The following VTA1 variants were observed in gnomAD, a reference collection of about 807,000 sequenced individuals.
VTA1 encodes vesicle trafficking 1, also known as vacuolar protein sorting-associated protein VTA1 homolog.
A neutral mutation model predicts 36.9 loss-of-function variants in VTA1; 24 were observed. The observed-to-expected ratio is 0.65, with a 90% CI of 0.47 to 0.91. The LOEUF is 0.91. VTA1 is among the 40% of genes least tolerant of loss of function. VTA1 has a pLI of 0.00. For missense variants in VTA1, 393 were observed against 377.2 expected (o/e 1.04, Z -0.35); for synonymous variants, 142 against 130.2 (o/e 1.09, Z -0.62).
At chr6:142,181,094 A>ATATATATATATATAT (rs1554219841) in intron 4 of VTA1, among the ~76,000 whole-genome samples, 2 of 36,438 alleles carry the variant, frequency 5.5e-5, no homozygotes, top group African/African-American at 1.5e-4. Flanking sequence ...AAAAAAAAAA[A>ATATATATATATATAT]ATATATATAT....
intron 1 of VTA1, among the ~76,000 whole-genome samples, chr6:142,162,581 A>G (rs1774831453): frequency 6.6e-6 from 1 of 152,170 alleles, no homozygotes; most frequent in African/African-American, 2.4e-5. Context: ...AGCAAGTATC[A>G]AGCCCATTTG....
chr6:142,201,878 C>A (rs1287943481), intron 6 of VTA1, among the ~76,000 whole-genome samples: 1 of 151,958 alleles, frequency 6.6e-6, no homozygotes, highest in Non-Finnish European at 1.5e-5. Flanking sequence ...TCTCCAAATG[C>A]TGTGTTCTTT....
intron 6 of VTA1, 119 bp downstream of exon 6, chr6:142,198,734 C>T: frequency 3.4e-6 from 3 of 872,168 alleles, no homozygotes; most frequent in Non-Finnish European, 5.0e-6. Flanking sequence ...TCCTTGAATT[C>T]CATTTGAACC....
chr6:142,147,811 G>A (rs1307210220), intron 1 of VTA1, among the ~76,000 whole-genome samples: 8 of 152,178 alleles, frequency 5.3e-5, no homozygotes, highest in African/African-American at 1.7e-4. Flanking sequence ...TGAAAACATA[G>A]TAATAAGTGA....
chr6:142,160,665 C>A (rs1246821656), intron 1 of VTA1, among the ~76,000 whole-genome samples: 2 of 152,048 alleles, frequency 1.3e-5, no homozygotes, highest in Non-Finnish European at 2.9e-5. Context: ...TCATTTGTTT[C>A]CTTTCTCCAG....
At position 142,150,257 on chromosome 6, in the gene VTA1, G is replaced by C. The variant is rs113454294; in HGVS notation, c.112+2858G>C. ...TGCTTTTCAACAGAACACTGCTCTTGGTGACTTCTTTCCTTACAATTGTGG... is the reference window on the plus strand; with the variant it reads ...TGCTTTTCAACAGAACACTGCTCTTCGTGACTTCTTTCCTTACAATTGTGG... On this transcript the variant is annotated intron_variant, in intron 1 of 7. Coordinates refer to ENST00000367630, the MANE Select transcript of VTA1 (RefSeq NM_016485.5). 7.0e-3 allele frequency among the ~76,000 whole-genome samples: 1,067 copies of C among 152,174 alleles called. 16 individuals are homozygous for C. The highest frequency in any genetic ancestry group is 0.025 in the African/African-American group (1,017 of 41,510).
chr6:142,150,289 C>G (rs913103346), intron 1 of VTA1, among the ~76,000 whole-genome samples: 3 of 152,196 alleles, frequency 2.0e-5, no homozygotes, highest in Non-Finnish European at 4.4e-5. Context: ...GTGGGCTAGT[C>G]ATGCTAGACC....
chr6:142,170,819 A>G (rs924243644), intron 4 of VTA1, among the ~76,000 whole-genome samples: 1 of 151,846 alleles, frequency 6.6e-6, no homozygotes, highest in African/African-American at 2.4e-5. Flanking sequence ...TTTTTTGTAG[A>G]GACATGGTTT....
chr6:142,170,310 C>A, intron 3 of VTA1, 36 bp from the exon 4 acceptor site: 1 of 1,401,972 alleles, frequency 7.1e-7, no homozygotes, highest in Admixed American at 2.1e-5. Flanking sequence ...TAATGTGTTT[C>A]ATATTTAAAC....
At chr6:142,208,355 G>A (rs1304686767) in intron 7 of VTA1, among the ~76,000 whole-genome samples, 1 of 151,914 alleles carries the variant, frequency 6.6e-6, no homozygotes, top group Non-Finnish European at 1.5e-5. Flanking sequence ...AAAAATCAGT[G>A]AGCTCAAAGA....
At chr6:142,214,571 G>A (rs917200905) in intron 7 of VTA1, among the ~76,000 whole-genome samples, 1 of 152,102 alleles carries the variant, frequency 6.6e-6, no homozygotes, top group Non-Finnish European at 1.5e-5. Flanking sequence ...CAGGAGATTT[G>A]GATGGGGACA....
intron 7 of VTA1, 57 bp downstream of exon 7, chr6:142,204,122 T>G: frequency 6.7e-7 from 1 of 1,496,540 alleles, no homozygotes. Flanking sequence ...GGTTGCTGTT[T>G]TGTAATTTTA....
At chr6:142,210,484 A>G (rs2114685191) in intron 7 of VTA1, among the ~76,000 whole-genome samples, 1 of 152,356 alleles carries the variant, frequency 6.6e-6, no homozygotes, top group East Asian at 1.9e-4. Context: ...CAACAAAGTG[A>G]AAAGACAACC....
At chr6:142,198,119 A>ATGTGTGTGTGTGTGTG (rs71021658) in intron 5 of VTA1, among the ~76,000 whole-genome samples, 35 of 98,242 alleles carry the variant, frequency 3.6e-4, no homozygotes, top group East Asian at 2.1e-3. Context: ...ATATATATAT[A>ATGTGTGTGTGTGTGTG]TGTGTGTGTG....
At chr6:142,213,009 A>G (rs769945772) in intron 7 of VTA1, among the ~76,000 whole-genome samples, 32 of 152,288 alleles carry the variant, frequency 2.1e-4, no homozygotes, top group Non-Finnish European at 3.4e-4. Flanking sequence ...TCTCTTCTCA[A>G]TAGTCCACCA....
intron 4 of VTA1, among the ~76,000 whole-genome samples, chr6:142,181,094 A>AAAAAAAATAT (rs1471429927): frequency 5.8e-4 from 21 of 36,434 alleles, no homozygotes; most frequent in African/African-American, 1.5e-3. Flanking sequence ...AAAAAAAAAA[A>AAAAAAAATAT]ATATATATAT....
intron 4 of VTA1, among the ~76,000 whole-genome samples, chr6:142,188,390 T>A (rs1339583852): frequency 1.3e-5 from 2 of 151,714 alleles, no homozygotes; most frequent in Non-Finnish European, 2.9e-5. Context: ...AATTTTTGTA[T>A]TTTCAATAGA....
intron 7 of VTA1, among the ~76,000 whole-genome samples, chr6:142,212,349 C>A (rs1775920100): frequency 6.6e-6 from 1 of 152,074 alleles, no homozygotes; most frequent in South Asian, 2.1e-4. Flanking sequence ...AGGAAATGAG[C>A]TATCAAGCTA....
rs1168928579 is a variant in VTA1, at chr6:142,221,768, A to G, written c.*3125A>G. ...AGGAGTATATATTTATTAATATATAAATATGTATTTATATATAAATCATAA... is the reference window on the plus strand; with the variant it reads ...AGGAGTATATATTTATTAATATATAGATATGTATTTATATATAAATCATAA... On this transcript the variant is annotated 3_prime_UTR_variant, in exon 8 of 8. Transcript: ENST00000367630. The G allele has an allele frequency of 6.7e-6, 1 of 148,256 alleles. No homozygotes were observed. Among genetic ancestry groups the G allele is most frequent in the African/African-American group, 2.5e-5 (1 of 40,770 alleles). The allele number at this position is 148,256 out of a possible 1,614,324, so 9.2% of individuals were successfully genotyped here.
Sources: gnomAD v4.1 joint callset for allele counts (sites outside exome capture counted in the v4.1 genomes callset) on GRCh38, gnomAD v4.1.1 for gene constraint, MANE v1.5 for transcripts, NCBI Gene and HGNC (gene_info 2026-07-23, HGNC 2026-07-21) for gene names.